The following FER1L6 variants were observed in gnomAD, a reference collection of about 807,000 sequenced individuals.
FER1L6 encodes the protein fer-1 like family member 6.
Under a neutral mutation model 219.2 loss-of-function variants are expected in FER1L6, and 177 were observed. The ratio of observed to expected loss-of-function variants is 0.81; its 90% confidence interval spans 0.71 to 0.91. The LOEUF is 0.91. Ranked by LOEUF, FER1L6 falls within the 40% of genes least tolerant of loss-of-function variation. The pLI is 0.00. For missense variants in FER1L6, 2,153 were observed against 2,259.9 expected (o/e 0.95, Z 0.96); for synonymous variants, 768 against 824.3 (o/e 0.93, Z 1.17).
At chr8:124,114,313 A>AT (rs532109889) in intron 39 of FER1L6, among the ~76,000 whole-genome samples, 2 of 152,182 alleles carry the variant, frequency 1.3e-5, no homozygotes, top group Non-Finnish European at 2.9e-5. Context: ...GTCATCTCTA[A>AT]TGATTTTTCC....
chr8:123,897,356 T>C (rs1429711231), intron 1 of FER1L6, among the ~76,000 whole-genome samples: 1 of 151,882 alleles, frequency 6.6e-6, no homozygotes, highest in Non-Finnish European at 1.5e-5. Flanking sequence ...GGGGCCAATT[T>C]TTCCCCTCAC....
intron 21 of FER1L6, among the ~76,000 whole-genome samples, chr8:124,048,468 T>C (rs182452375): frequency 6.6e-6 from 1 of 152,186 alleles, no homozygotes; most frequent in Non-Finnish European, 1.5e-5. Flanking sequence ...TCTGGGGGAA[T>C]GTGCACACAG....
chr8:123,997,709 T>A (rs1817197112), intron 12 of FER1L6, among the ~76,000 whole-genome samples: 1 of 152,168 alleles, frequency 6.6e-6, no homozygotes, highest in African/African-American at 2.4e-5. Flanking sequence ...TTTCTATTCT[T>A]TTTTTCTTTT....
intron 12 of FER1L6, among the ~76,000 whole-genome samples, chr8:123,997,731 GT>G (rs1425276501): frequency 6.6e-6 from 1 of 151,908 alleles, no homozygotes; most frequent in Non-Finnish European, 1.5e-5. Flanking sequence ...CTTCCTCTGT[GT>G]ATTTTCAAAT....
intron 6 of FER1L6, among the ~76,000 whole-genome samples, chr8:123,970,957 G>A (rs1012737356): frequency 6.6e-6 from 1 of 152,186 alleles, no homozygotes; most frequent in Non-Finnish European, 1.5e-5. Context: ...CCAAGGTGGT[G>A]AAGGATGGCT....
At chr8:123,933,673 A>G (rs1014961869) in intron 1 of FER1L6, among the ~76,000 whole-genome samples, 1 of 152,214 alleles carries the variant, frequency 6.6e-6, no homozygotes, top group Non-Finnish European at 1.5e-5. Flanking sequence ...TATATGAAAC[A>G]AAAATGGACA....
intron 39 of FER1L6, 56 bp from the exon 40 acceptor site, chr8:124,118,788 C>T: frequency 7.0e-7 from 1 of 1,437,288 alleles, no homozygotes; most frequent in South Asian, 1.2e-5. Context: ...AGAAGGTTGC[C>T]ATTGGCTCAG....
At chr8:123,922,726 G>T (rs1813407174) in intron 1 of FER1L6, among the ~76,000 whole-genome samples, 1 of 152,194 alleles carries the variant, frequency 6.6e-6, no homozygotes, top group Admixed American at 6.5e-5. Flanking sequence ...TGGTCTGTGG[G>T]TAGCTTATAA....
At chr8:123,857,466 C>T (rs1186054660) in intron 1 of FER1L6, among the ~76,000 whole-genome samples, 3 of 152,192 alleles carry the variant, frequency 2.0e-5, no homozygotes, top group East Asian at 1.9e-4. Context: ...GATATGATCA[C>T]ACCACTGCAC....
intron 1 of FER1L6, among the ~76,000 whole-genome samples, chr8:123,856,282 ATG>A (rs202231355): frequency 3.0e-5 from 3 of 101,604 alleles, no homozygotes; most frequent in Admixed American, 2.1e-4. Context: ...ATGTGTATAT[ATG>A]TGTGTGTGTA....
At chr8:123,961,520 G>C (rs1214367208) in intron 2 of FER1L6, among the ~76,000 whole-genome samples, 1 of 152,264 alleles carries the variant, frequency 6.6e-6, no homozygotes, top group South Asian at 2.1e-4. Context: ...AGCCTGCCAG[G>C]TGCCCATTTT....
chr8:123,915,830 C>G (rs2129793146), intron 1 of FER1L6, among the ~76,000 whole-genome samples: 1 of 152,238 alleles, frequency 6.6e-6, no homozygotes, highest in Non-Finnish European at 1.5e-5. Context: ...GAGGAAATAA[C>G]ATTCTTGAAT....
chr8:123,870,346 G>C (rs1489722184), intron 1 of FER1L6, among the ~76,000 whole-genome samples: 1 of 152,150 alleles, frequency 6.6e-6, no homozygotes, highest in African/African-American at 2.4e-5. Context: ...AACCCAGCAC[G>C]TGAATGTTTA....
chr8:123,994,405 G>C (rs924492350), intron 12 of FER1L6, among the ~76,000 whole-genome samples: 1 of 152,178 alleles, frequency 6.6e-6, no homozygotes, highest in Non-Finnish European at 1.5e-5. Flanking sequence ...TCAAGAAAGA[G>C]CACAGCTGCC....
chr8:124,089,292 C>A (rs1350336042), intron 33 of FER1L6, among the ~76,000 whole-genome samples: 1 of 152,238 alleles, frequency 6.6e-6, no homozygotes, highest in Non-Finnish European at 1.5e-5. Context: ...CAGGGTAGCA[C>A]TGAGTTCCAA....
chr8:123,923,350 G>A (rs938159172), intron 1 of FER1L6, among the ~76,000 whole-genome samples: 16 of 152,176 alleles, frequency 1.1e-4, no homozygotes, highest in Non-Finnish European at 2.4e-4. Flanking sequence ...CACGGCCATT[G>A]GCTTTGATGC....
chr8:124,092,765 G>C (rs1477773681), intron 34 of FER1L6, among the ~76,000 whole-genome samples: 2 of 152,130 alleles, frequency 1.3e-5, no homozygotes, highest in Non-Finnish European at 2.9e-5. Flanking sequence ...CAGGAAACTT[G>C]CAGTCATGGT....
chr8:124,097,639 A>T, intron 36 of FER1L6, 146 bp from the exon 37 acceptor site: 2 of 616,108 alleles, frequency 3.2e-6, no homozygotes, highest in South Asian at 2.0e-5. Flanking sequence ...CTTGGTTCTG[A>T]CAGAACCAAG....
intron 2 of FER1L6, among the ~76,000 whole-genome samples, chr8:123,962,166 G>A (rs752910121): frequency 6.6e-6 from 1 of 152,150 alleles, no homozygotes; most frequent in South Asian, 2.1e-4. Flanking sequence ...TGGGATTACA[G>A]GCATGAACCA....
Sources: allele counts gnomAD v4.1 joint callset (sites outside exome capture counted in the v4.1 genomes callset), GRCh38; gene constraint gnomAD v4.1.1; transcripts MANE v1.5; gene names NCBI Gene and HGNC (gene_info 2026-07-23, HGNC 2026-07-21).